The following CENPM variants were observed in gnomAD, a reference collection of about 807,000 sequenced individuals.
The protein encoded by CENPM is centromere protein M, also known as interphase centromere complex protein 39.
CENPM carries 14 observed loss-of-function variants against 19.6 expected under a neutral mutation model. The ratio of observed to expected loss-of-function variants is 0.71; its 90% confidence interval spans 0.47 to 1.11. The LOEUF (loss-of-function observed/expected upper bound fraction) is 1.11, where lower values mean the gene tolerates loss of function less well. CENPM is among the 50% of genes most tolerant of loss of function. The pLI is 0.00. For missense variants in CENPM, 239 were observed against 228.4 expected (o/e 1.05, Z -0.30); for synonymous variants, 114 against 101.5 (o/e 1.12, Z -0.74).
downstream of CENPM, among the ~76,000 whole-genome samples, chr22:41,937,858 CTT>C (rs1305142556): frequency 2.0e-5 from 3 of 151,334 alleles, no homozygotes; most frequent in Admixed American, 6.6e-5. Flanking sequence ...CTTTTTTTTT[CTT>C]TGAGACAGAG....
intron 4 of CENPM, chr22:41,944,170 G>A: frequency 8.1e-6 from 8 of 984,966 alleles, no homozygotes; most frequent in Non-Finnish European, 7.2e-6. Flanking sequence ...ACGGCCGGGT[G>A]CGGTGGCTCA....
downstream of CENPM, among the ~76,000 whole-genome samples, chr22:41,938,295 C>T (rs896974210): frequency 2.6e-5 from 4 of 151,776 alleles, no homozygotes; most frequent in African/African-American, 9.7e-5. Flanking sequence ...GCCTGCATCA[C>T]CATGCCTGGC....
rs1569425854 is a variant in CENPM, at chr22:41,939,856, G to GAAAGAAAAAGAAAGAAAGAAAGAA, written c.403-661_403-660insTTCTTTCTTTCTTTCTTTTTCTTT. On this transcript the variant is annotated intron_variant, in intron 5 of 5. Transcript: ENST00000215980. The stretch of plus-strand genomic sequence containing the variant: ...AAAGAAAGAAAAAGAAAGAAAGAAA[G>GAAAGAAAAAGAAAGAAAGAAAGAA]AAAGAAAGAAAGAAAGAAAGAAAAA... Among the ~76,000 whole-genome samples, 2 of 27,382 alleles carry GAAAGAAAAAGAAAGAAAGAAAGAA rather than the reference G, an allele frequency of 7.3e-5. 1 individual carries two copies. The highest frequency in any genetic ancestry group is 1.1e-3 in the African/African-American group (2 of 1,824). The allele number at this position is 27,382 out of a possible 152,430, so 18.0% of individuals were successfully genotyped here.
chr22:41,944,123 A>T (rs1213702316), intron 4 of CENPM: 1 of 985,260 alleles, frequency 1.0e-6, no homozygotes, highest in Non-Finnish European at 1.2e-6. Context: ...AGAAGAGGAA[A>T]TGTATTTGAC....
At chr22:41,946,866 C>G (rs41277477) in intron 1 of CENPM, 154 bp downstream of exon 1, 50,115 of 708,764 alleles carry the variant, frequency 0.071, 1,996 homozygotes, top group Non-Finnish European at 0.079. Flanking sequence ...AGCGGCTACT[C>G]CAATTGGTTC....
intron 1 of CENPM, 96 bp downstream of exon 1, chr22:41,946,924 G>T: frequency 1.6e-6 from 2 of 1,268,846 alleles, no homozygotes; most frequent in Non-Finnish European, 1.1e-6. Flanking sequence ...GGTAGCGCGC[G>T]CTGGCTTGGC....
At chr22:41,937,848 CTTT>C (rs1042752494), downstream of CENPM, among the ~76,000 whole-genome samples, 3 of 151,508 alleles carry the variant, frequency 2.0e-5, no homozygotes, top group African/African-American at 7.3e-5. Flanking sequence ...CGCCCCACTC[CTTT>C]TTTTTTCTTT....
chr22:41,946,883 T>C, intron 1 of CENPM, 137 bp downstream of exon 1: 1 of 837,688 alleles, frequency 1.2e-6, no homozygotes, highest in South Asian at 1.5e-5. Flanking sequence ...GTTCAGAGCA[T>C]GGCTCTCCGC....
rs376664319 is a variant in CENPM, at chr22:41,939,171, G to T, written c.428C>A (p.Ala143Glu). 2 of 1,611,854 alleles carry T rather than the reference G, an allele frequency of 1.2e-6. No homozygotes were observed. The highest frequency in any genetic ancestry group is 8.5e-7 in the Non-Finnish European group (1 of 1,179,594). ...LEVEGFRATM[A>E]QRLVRVLQIC... ...CTGCAGCACGCGCACCAGGCGCTGCGCCATGGTGGCCCTAAAGCCTTCCAC... is the reference window on the plus strand; with the variant it reads ...CTGCAGCACGCGCACCAGGCGCTGCTCCATGGTGGCCCTAAAGCCTTCCAC... Residue 143 changes from alanine to glutamate, a missense_variant, in exon 6 of 6, where the codon GCG becomes GAG. Transcript: ENST00000215980.
At chr22:41,928,349 G>C in the CENPM span, among the ~76,000 whole-genome samples, 1 of 152,158 alleles carries the variant, frequency 6.6e-6, no homozygotes. This position sits in a 1 kb window ranked among gnomAD's most constrained non-coding sequence, Gnocchi z 4.0. Context: ...GTCTCTCTCA[G>C]ACTGCGTCTC....
rs2077803989 is a variant in CENPM, at chr22:41,946,457, C to G, written c.97G>C (p.Asp33His). ...GCGCAGTCCTCTTTGAGCATCGAGT[C>G]CGCCAGCTGCTGCAGAAGAGCATCC... ...TEDALLQQLA[D>H]SMLKEDCASE... The change falls in exon 2 of 6, where the codon GAC becomes CAC. Residue 33 changes from aspartate (D) to histidine (H), a missense_variant. Transcript: ENST00000215980. 1 of 1,613,046 alleles carries G rather than the reference C, an allele frequency of 6.2e-7. No individual in the cohort carries two copies.
At chr22:41,941,845 T>C (rs1403151656) in intron 5 of CENPM, among the ~76,000 whole-genome samples, 2 of 152,224 alleles carry the variant, frequency 1.3e-5, no homozygotes, top group African/African-American at 2.4e-5. Context: ...TCATGATCGA[T>C]GCATCGAGCA....
intron 4 of CENPM, chr22:41,944,218 C>T: frequency 1.2e-6 from 1 of 840,662 alleles, no homozygotes; most frequent in African/African-American, 1.8e-5. Flanking sequence ...CAGGCGGATA[C>T]CTGAGGTCAG....
chr22:41,944,692 T>G (rs991753826), intron 4 of CENPM: 1 of 985,268 alleles, frequency 1.0e-6, no homozygotes, highest in Admixed American at 6.2e-5. Context: ...CAGCAGGACT[T>G]TTTCAGAGAA....
intron 5 of CENPM, among the ~76,000 whole-genome samples, chr22:41,939,844 GA>G (rs2077715797): frequency 1.1e-4 from 7 of 65,738 alleles, no homozygotes; most frequent in East Asian, 3.6e-4. Context: ...GAAAGAAAAA[GA>G]AAGAAAGAAA....
In CENPM at chr22:41,945,915, G is replaced by A. The variant is rs1045350520; in HGVS notation, c.228C>T (p.Tyr76=). The change falls in exon 3 of 6, where the codon TAC becomes TAT. Residue 76 remains tyrosine, a splice_region_variant and synonymous_variant. Transcript: ENST00000215980. ...CTGCCCCTTCCTCTGGCTCTCACCT[G>A]TATTTGCTGTGAAGATTAACCACAA... is the stretch of plus-strand genomic sequence containing the variant. ...IVFVVNLHSK[Y]SLQNTEESLR... is the part of the protein sequence containing the mutation. 2.5e-6 allele frequency: 4 copies of A among 1,612,968 alleles called. No homozygotes were observed. The highest frequency in any genetic ancestry group is 1.3e-5 in the African/African-American group (1 of 74,898).
At chr22:41,944,836 C>T (rs2077780506) in intron 4 of CENPM, 1 of 1,026,066 alleles carries the variant, frequency 9.7e-7, no homozygotes, top group Non-Finnish European at 1.2e-6. Context: ...TAGGCAACTC[C>T]AAGTAATGGC....
chr22:41,933,065 A>G, the CENPM span, among the ~76,000 whole-genome samples: 2 of 152,162 alleles, frequency 1.3e-5, no homozygotes, highest in Non-Finnish European at 2.9e-5. Flanking sequence ...CAGGGGAGTC[A>G]GAGAAGGCCT....
the CENPM span, among the ~76,000 whole-genome samples, chr22:41,927,421 G>C: frequency 6.6e-6 from 1 of 152,060 alleles, no homozygotes; most frequent in East Asian, 1.9e-4. Context: ...CCATGACCCC[G>C]AGTGCTCCCC....
Sources: allele counts gnomAD v4.1 joint callset (sites outside exome capture counted in the v4.1 genomes callset), GRCh38; gene constraint gnomAD v4.1.1; non-coding constraint Gnocchi (gnomAD v3.1); transcripts MANE v1.5; gene names NCBI Gene and HGNC (gene_info 2026-07-23, HGNC 2026-07-21).